PRKN: variants seen among roughly 807,000 people sequenced by gnomAD.
The protein encoded by PRKN is E3 ubiquitin-protein ligase parkin.
Under a neutral mutation model 59.5 loss-of-function variants are expected in PRKN, and 56 were observed. The observed-to-expected ratio is 0.94, with a 90% CI of 0.76 to 1.18. The LOEUF is 1.18. PRKN is among the 50% of genes most tolerant of loss of function. The probability of loss-of-function intolerance (pLI) is 0.00; values close to 1 mark genes in which losing one functional copy is unlikely to be tolerated. For missense variants in PRKN, 657 were observed against 596.4 expected, an observed-to-expected ratio of 1.10 and a Z score of -1.06; for synonymous variants, 250 against 222.1, an observed-to-expected ratio of 1.13 and a Z score of -1.12.
intron 2 of PRKN, among the ~76,000 whole-genome samples, chr6:162,291,818 T>C (rs147020808): frequency 2.0e-5 from 3 of 152,146 alleles, no homozygotes; most frequent in East Asian, 1.9e-4. Context: ...AAGGTTGGCG[T>C]TGGGATTTGG....
chr6:161,881,276 T>C lies in PRKN; in HGVS notation c.734+92026A>G, dbSNP rs575247807. Among the ~76,000 whole-genome samples, 36 of 152,290 alleles carry C rather than the reference T, an allele frequency of 2.4e-4. 1 individual carries two copies. In the South Asian group the frequency reaches 5.2e-3, roughly 22 times the overall value. On this transcript the variant is annotated intron_variant, in intron 6 of 11. Transcript: ENST00000366898. ...AACAGATGTGGAAGTTGGAATCCAA[T>C]CCGGGTTTGCCAGGGGAGTAGGAAG...
chr6:161,698,131 T>TTAAA (rs1278545416), intron 7 of PRKN, among the ~76,000 whole-genome samples: 1 of 152,120 alleles, frequency 6.6e-6, no homozygotes, highest in Non-Finnish European at 1.5e-5. Flanking sequence ...AGTGAATCAA[T>TTAAA]TAAATAACAA....
In PRKN at chr6:162,277,094, C is replaced by T. The variant is rs1451700402; in HGVS notation, c.172-14329G>A. The stretch of plus-strand genomic sequence containing the variant: ...ATAAATATGGCAAGAACTGTCGGCA[C>T]AGACAATCATATTTTTGAAGGCACT... On this transcript the variant is annotated intron_variant, in intron 2 of 11. Coordinates refer to ENST00000366898, the MANE Select transcript of PRKN (RefSeq NM_004562.3). Among the ~76,000 whole-genome samples the T allele has an allele frequency of 2.6e-5, 4 of 152,138 alleles. No individual in the cohort carries two copies. In the East Asian group the frequency reaches 5.8e-4, roughly 22 times the overall value.
In PRKN at chr6:161,735,951, T is replaced by A. The variant is rs577085148; in HGVS notation, c.871+49821A>T. ...AAAAAAAAGTGAGACTATAAAAATC[T>A]ATTTTGCATCCTTCTTCTTAAAAAA... On this transcript the variant is annotated intron_variant, in intron 7 of 11. Transcript: ENST00000366898. Among the ~76,000 whole-genome samples, 5 of 152,226 alleles carry A rather than the reference T, an allele frequency of 3.3e-5. No individual in the cohort carries two copies. The South Asian group carries it at 1.0e-3, about 32-fold the overall frequency.
At chr6:161,758,323 C>T (rs1562660902) in intron 7 of PRKN, among the ~76,000 whole-genome samples, 1 of 152,002 alleles carries the variant, frequency 6.6e-6, no homozygotes, top group Non-Finnish European at 1.5e-5. Context: ...GAAACAAGCC[C>T]AGCATTCATC....
chr6:162,150,504 A>C (rs1282818840), intron 4 of PRKN, among the ~76,000 whole-genome samples: 1 of 152,216 alleles, frequency 6.6e-6, no homozygotes, highest in African/African-American at 2.4e-5. Flanking sequence ...AGGTGAAAAG[A>C]ACATCAAAGC....
intron 1 of PRKN, among the ~76,000 whole-genome samples, chr6:162,700,762 G>A (rs1350609907): frequency 1.3e-5 from 2 of 151,424 alleles, no homozygotes; most frequent in African/African-American, 4.9e-5. Context: ...TATATCTATC[G>A]CACATCTTTT....
chr6:162,666,792 A>G (rs906527535), intron 1 of PRKN, among the ~76,000 whole-genome samples: 3 of 152,104 alleles, frequency 2.0e-5, no homozygotes, highest in African/African-American at 7.2e-5. Flanking sequence ...TGGTACTATG[A>G]GCTACCTTGG....
rs1042831712 is a variant in PRKN at position 161,588,154 on chromosome 6, G to A, written c.872-18738C>T. Reference sequence around the variant, plus strand: ...TAATCCCAGCACTTTGGGAGGCCGAGTCGGGTGGATCACAAGGTCAGGAGT... The same window carrying A: ...TAATCCCAGCACTTTGGGAGGCCGAATCGGGTGGATCACAAGGTCAGGAGT... On this transcript the variant is annotated intron_variant, in intron 7 of 11. Transcript: ENST00000366898. The surrounding 1 kb of genome is among the most constrained non-coding windows in gnomAD (Gnocchi z 5.0). Among the ~76,000 whole-genome samples, 2 of 152,152 alleles carry A rather than the reference G, an allele frequency of 1.3e-5. No individual in the cohort carries two copies. Among genetic ancestry groups the A allele is most frequent in the South Asian group, 4.1e-4 (2 of 4,824 alleles).
chr6:161,668,702 T>C (rs1333055477), intron 7 of PRKN, among the ~76,000 whole-genome samples: 6 of 152,148 alleles, frequency 3.9e-5, no homozygotes, highest in African/African-American at 1.4e-4. Flanking sequence ...CAGAAAAAAA[T>C]ACATTATACT....
rs1292163713 is a variant in PRKN at position 162,062,868 on chromosome 6, A to T, written c.535-8694T>A. 2.0e-5 allele frequency among the ~76,000 whole-genome samples: 3 copies of T among 152,298 alleles called. No individual in the cohort carries two copies. The East Asian group carries it at 5.8e-4, about 29-fold the overall frequency. The stretch of plus-strand genomic sequence containing the variant: ...CAGAACTCCTCAAATTGTACCCTTC[A>T]AATAGAGAAAGTCTATTTACACAAA... On this transcript the variant is annotated intron_variant, in intron 4 of 11. Transcript: ENST00000366898.
At chr6:161,808,247 A>G (rs1305474104) in intron 6 of PRKN, among the ~76,000 whole-genome samples, 1 of 152,076 alleles carries the variant, frequency 6.6e-6, no homozygotes, top group African/African-American at 2.4e-5. Context: ...TAAATTTTCA[A>G]TTTAAAATAT....
chr6:161,404,103 T>C (rs1039272768), intron 9 of PRKN, among the ~76,000 whole-genome samples: 1 of 152,104 alleles, frequency 6.6e-6, no homozygotes, highest in African/African-American at 2.4e-5. Context: ...CTGGGTTTGC[T>C]GTTTCTCCTG....
At chr6:162,463,024 G>A (rs1003414265) in intron 1 of PRKN, among the ~76,000 whole-genome samples, 7 of 151,736 alleles carry the variant, frequency 4.6e-5, no homozygotes, top group African/African-American at 1.2e-4. Context: ...AGCTGAGATC[G>A]CACCATTGCA....
intron 7 of PRKN, among the ~76,000 whole-genome samples, chr6:161,690,001 C>T (rs959940345): frequency 6.6e-5 from 10 of 152,186 alleles, no homozygotes; most frequent in African/African-American, 1.4e-4. Context: ...CATGACACAC[C>T]GCAGCTGGCC....
chr6:162,009,286 C>A (rs1316698917), intron 5 of PRKN, among the ~76,000 whole-genome samples: 1 of 151,672 alleles, frequency 6.6e-6, no homozygotes, highest in Non-Finnish European at 1.5e-5. Flanking sequence ...TGAGATACTA[C>A]ATTGTCTAGA....
At chr6:162,470,693 T>C (rs1462610909) in intron 1 of PRKN, among the ~76,000 whole-genome samples, 4 of 152,204 alleles carry the variant, frequency 2.6e-5, no homozygotes, top group Non-Finnish European at 5.9e-5. Context: ...TACTTGGTGC[T>C]AGTTTGAGGC....
At chr6:162,648,303 A>G (rs1318626849) in intron 1 of PRKN, among the ~76,000 whole-genome samples, 1 of 151,990 alleles carries the variant, frequency 6.6e-6, no homozygotes, top group Non-Finnish European at 1.5e-5. Context: ...TGGGATTCCA[A>G]TGGTCACTAT....
At chr6:161,943,831 A>AGGATCAGCCTGAG (rs1779659389) in intron 6 of PRKN, among the ~76,000 whole-genome samples, 3 of 131,006 alleles carry the variant, frequency 2.3e-5, no homozygotes, top group South Asian at 2.6e-4. Context: ...ATCAGCCTGA[A>AGGATCAGCCTGAG]GGATCAGCCT....
Sources: gnomAD v4.1 joint callset for allele counts (sites outside exome capture counted in the v4.1 genomes callset) on GRCh38, gnomAD v4.1.1 for gene constraint, Gnocchi (gnomAD v3.1) non-coding constraint, MANE v1.5 for transcripts, NCBI Gene and HGNC (gene_info 2026-07-23, HGNC 2026-07-21) for gene names.